The following BEND7 variants were observed in gnomAD, a reference collection of about 807,000 sequenced individuals.
BEND7 encodes BEN domain containing 7.
A neutral mutation model predicts 50.9 loss-of-function variants in BEND7; 28 were observed. The observed-to-expected ratio is 0.55, with a 90% CI of 0.41 to 0.75. BEND7 has a LOEUF of 0.75. Among genes scored for constraint, BEND7 ranks in the 30% least tolerant of loss-of-function variants. The pLI, the probability that BEND7 is intolerant of heterozygous loss-of-function variation, is 0.00. For synonymous variants in BEND7, 170 were observed against 183.9 expected (o/e 0.92, Z 0.61); for missense variants, 477 against 491.3 (o/e 0.97, Z 0.28).
chr10:13,455,292 G>A (rs2131125904), intron 6 of BEND7, among the ~76,000 whole-genome samples: 1 of 152,174 alleles, frequency 6.6e-6, no homozygotes, highest in South Asian at 2.1e-4. Flanking sequence ...ACGCCACGCT[G>A]CCAAGGAGAA....
upstream of BEND7, chr10:13,529,035 C>G (rs1343812241): frequency 6.9e-6 from 1 of 145,476 alleles, no homozygotes. Context: ...CCGGCCGGGG[C>G]GCTGACCGCC....
chr10:13,503,510 T>G (rs1193715038), intron 2 of BEND7, among the ~76,000 whole-genome samples: 5 of 152,126 alleles, frequency 3.3e-5, no homozygotes, highest in Admixed American at 6.5e-5. Flanking sequence ...ATCTGGAATT[T>G]GAGACCAGCC....
intron 2 of BEND7, chr10:13,502,752 G>T: frequency 4.7e-6 from 1 of 211,852 alleles, no homozygotes; most frequent in Non-Finnish European, 8.1e-6. Flanking sequence ...CTGCACTGAA[G>T]TCCATGCAGA....
intron 6 of BEND7, among the ~76,000 whole-genome samples, chr10:13,470,550 C>CA (rs1484722770): frequency 5.3e-5 from 8 of 152,002 alleles, no homozygotes; most frequent in Non-Finnish European, 1.2e-4. Flanking sequence ...GAAGAAAGAT[C>CA]AAAAAAAGCC....
intron 6 of BEND7, among the ~76,000 whole-genome samples, chr10:13,476,438 G>A (rs943556314): frequency 2.0e-5 from 3 of 152,186 alleles, no homozygotes; most frequent in South Asian, 2.1e-4. Flanking sequence ...TTCACTTGAC[G>A]TGCCTATGTA....
At chr10:13,516,393 CAG>C (rs1448927893) in intron 2 of BEND7, among the ~76,000 whole-genome samples, 1 of 152,178 alleles carries the variant, frequency 6.6e-6, no homozygotes, top group African/African-American at 2.4e-5. Context: ...CATCCTATTT[CAG>C]AGTTAGACTT....
intron 5 of BEND7, among the ~76,000 whole-genome samples, chr10:13,492,377 G>A (rs543661847): frequency 6.6e-6 from 1 of 152,116 alleles, no homozygotes; most frequent in Non-Finnish European, 1.5e-5. Context: ...GATTATTTAC[G>A]CCATCACCCT....
At chr10:13,464,902 CA>C (rs1234154687) in intron 6 of BEND7, among the ~76,000 whole-genome samples, 1 of 152,184 alleles carries the variant, frequency 6.6e-6, no homozygotes, top group Non-Finnish European at 1.5e-5. Context: ...GGAGAAGACT[CA>C]GTAATTTGCC....
At chr10:13,508,733 C>T (rs2078069591) in intron 2 of BEND7, among the ~76,000 whole-genome samples, 1 of 152,150 alleles carries the variant, frequency 6.6e-6, no homozygotes, top group African/African-American at 2.4e-5. Flanking sequence ...ATTTACTGTA[C>T]TACTACTAAA....
chr10:13,494,474 C>T (rs1027913559), intron 4 of BEND7, among the ~76,000 whole-genome samples: 3 of 152,226 alleles, frequency 2.0e-5, no homozygotes, highest in Admixed American at 6.5e-5. Context: ...CCACCCCAGA[C>T]GAAGTGAACT....
intron 6 of BEND7, among the ~76,000 whole-genome samples, chr10:13,474,984 A>T (rs191406033): frequency 2.6e-4 from 39 of 152,348 alleles, no homozygotes; most frequent in African/African-American, 9.4e-4. Flanking sequence ...TACTGAATCT[A>T]TCTCTTAGCA....
chr10:13,487,386 TTC>T (rs200170441), intron 5 of BEND7, among the ~76,000 whole-genome samples: 14,528 of 109,396 alleles, frequency 0.13, 912 homozygotes, highest in African/African-American at 0.27. Flanking sequence ...TTCTTTTCTT[TTC>T]TTTTTTTTTT....
chr10:13,475,913 T>C (rs1229321763), intron 6 of BEND7, among the ~76,000 whole-genome samples: 2 of 152,138 alleles, frequency 1.3e-5, no homozygotes, highest in African/African-American at 2.4e-5. Flanking sequence ...TGTCCTCTCC[T>C]ATAAACGGAA....
intron 2 of BEND7, among the ~76,000 whole-genome samples, chr10:13,525,796 C>G (rs912087233): frequency 6.6e-6 from 1 of 152,158 alleles, no homozygotes; most frequent in African/African-American, 2.4e-5. Flanking sequence ...AGATGTAATA[C>G]CCCAATTACA....
chr10:13,526,388 A>C (rs770637904), intron 1 of BEND7, among the ~76,000 whole-genome samples, 167 bp from the exon 2 acceptor site: 1 of 152,206 alleles, frequency 6.6e-6, no homozygotes. Context: ...ATAATTCCTA[A>C]AACTTTGCTT....
intron 2 of BEND7, among the ~76,000 whole-genome samples, chr10:13,524,644 C>CAA (rs58967065): frequency 6.8e-5 from 6 of 88,544 alleles, no homozygotes; most frequent in African/African-American, 2.0e-4. Context: ...ACCTCCGTCT[C>CAA]AAAAAAAAAA....
intron 5 of BEND7, among the ~76,000 whole-genome samples, chr10:13,491,862 C>A (rs1328575321): frequency 6.6e-6 from 1 of 152,108 alleles, no homozygotes; most frequent in Non-Finnish European, 1.5e-5. Flanking sequence ...AAGAACAGAT[C>A]CCCCATTCTT....
At chr10:13,495,695 T>A (rs957584468) in intron 4 of BEND7, among the ~76,000 whole-genome samples, 31 of 152,174 alleles carry the variant, frequency 2.0e-4, no homozygotes, top group African/African-American at 7.2e-4. Flanking sequence ...AGAAAGTAGC[T>A]CACATTACTT....
Position 13,472,864 on chromosome 10 carries a change from C to T in BEND7, c.1063+8035G>A, listed in dbSNP as rs375820430. On this transcript the variant is annotated intron_variant, in intron 6 of 8. Transcript: ENST00000466271. The stretch of plus-strand genomic sequence containing the variant: ...CCGTCATCACTGTTAGACTCGGGGT[C>T]GATACCCATCATCACTCTTAGACTC... Among the ~76,000 whole-genome samples, 5 of 147,322 alleles carry T rather than the reference C, an allele frequency of 3.4e-5. No homozygotes were observed. In the South Asian group the frequency reaches 8.7e-4, roughly 26 times the overall value.
Sources: allele counts gnomAD v4.1 joint callset (sites outside exome capture counted in the v4.1 genomes callset), GRCh38; gene constraint gnomAD v4.1.1; transcripts MANE v1.5; gene names NCBI Gene and HGNC (gene_info 2026-07-23, HGNC 2026-07-21).